CYTH3: variants seen among roughly 807,000 people sequenced by gnomAD.
The protein encoded by CYTH3 is cytohesin 3.
In CYTH3, 23 loss-of-function variants were observed where a neutral mutation model predicts 55.1. That is an observed-to-expected ratio of 0.42 (90% CI 0.30 to 0.59). CYTH3 has a LOEUF of 0.59. Among genes scored for constraint, CYTH3 ranks in the 20% least tolerant of loss-of-function variants. The pLI is 0.20. For missense variants in CYTH3, 413 were observed against 524.8 expected (o/e 0.79, Z 2.08); for synonymous variants, 249 against 194.9 (o/e 1.28, Z -2.31).
intron 3 of CYTH3, 76 bp from the exon 4 acceptor site, chr7:6,187,192 T>C (rs1783676667): frequency 2.7e-6 from 4 of 1,476,094 alleles, no homozygotes; most frequent in East Asian, 2.3e-5. Flanking sequence ...TCCAGTGTAC[T>C]TTCCCCCGCA....
chr7:6,239,017 C>A (rs1215036031), intron 1 of CYTH3, among the ~76,000 whole-genome samples: 1 of 152,156 alleles, frequency 6.6e-6, no homozygotes, highest in East Asian at 1.9e-4. Context: ...AGCTCAAGAC[C>A]AGCCTGGCCA....
chr7:6,256,615 T>C (rs1377429655), intron 1 of CYTH3, among the ~76,000 whole-genome samples: 2 of 152,130 alleles, frequency 1.3e-5, no homozygotes, highest in Non-Finnish European at 2.9e-5. Flanking sequence ...TGGGGAGCGG[T>C]GGAAGCAGTG....
At chr7:6,249,841 G>T (rs946470523) in intron 1 of CYTH3, among the ~76,000 whole-genome samples, 2 of 152,128 alleles carry the variant, frequency 1.3e-5, no homozygotes, top group African/African-American at 2.4e-5. Flanking sequence ...CATACCTCTC[G>T]CCTCACATAG....
chr7:6,182,910 G>A (rs572256409), intron 4 of CYTH3, among the ~76,000 whole-genome samples: 2 of 152,346 alleles, frequency 1.3e-5, no homozygotes, highest in South Asian at 2.1e-4. Context: ...GCTTGGTGGT[G>A]CTTGGTGGGT....
chr7:6,233,655 C>CAA (rs557639314), intron 1 of CYTH3, among the ~76,000 whole-genome samples: 18 of 79,596 alleles, frequency 2.3e-4, no homozygotes, highest in South Asian at 8.9e-4. Context: ...GACTCCATCT[C>CAA]AAAAAAAAAA....
chr7:6,180,259 T>G (rs1038881533), intron 4 of CYTH3, among the ~76,000 whole-genome samples: 4 of 152,220 alleles, frequency 2.6e-5, no homozygotes, highest in Admixed American at 6.5e-5. Flanking sequence ...GAGGCTCCCA[T>G]GCCTTCCTCT....
chr7:6,210,843 G>A (rs111473507), intron 1 of CYTH3, among the ~76,000 whole-genome samples: 2,220 of 152,278 alleles, frequency 0.015, 24 homozygotes, highest in Admixed American at 0.052. Context: ...TGCCTTCACT[G>A]ATAAGAGTTG....
At chr7:6,173,276 T>A (rs1214145013) in intron 6 of CYTH3, among the ~76,000 whole-genome samples, 1 of 152,164 alleles carries the variant, frequency 6.6e-6, no homozygotes, top group Admixed American at 6.6e-5. Context: ...CACTCAGGTA[T>A]CCATGCGTTT....
Position 6,171,125 on chromosome 7 carries a change from T to A in CYTH3, c.562+77A>T. 1 of 1,586,016 alleles carries A rather than the reference T, an allele frequency of 6.3e-7. No homozygotes were observed. On this transcript the variant is annotated intron_variant, in intron 7 of 12. Transcript: ENST00000350796. The surrounding 1 kb of genome is among the most constrained non-coding windows in gnomAD (Gnocchi z 6.7). The stretch of plus-strand genomic sequence containing the variant: ...AGGTCCCCAGGAACACACGCTGGGC[T>A]GTGCCCACAGGGGCCGCCCCCTCCA...
At chr7:6,185,523 C>T (rs181724077) in intron 4 of CYTH3, among the ~76,000 whole-genome samples, 155 of 151,946 alleles carry the variant, frequency 1.0e-3, no homozygotes, top group African/African-American at 3.2e-3. Flanking sequence ...AGTGAAACCC[C>T]GTCTCTACTA....
chr7:6,165,776 G>A lies in CYTH3; in HGVS notation c.858C>T (p.Phe286=), dbSNP rs1782981793. 4 of 1,614,030 alleles carry A rather than the reference G, an allele frequency of 2.5e-6. No homozygotes were observed. The highest frequency in any genetic ancestry group is 1.7e-5 in the Admixed American group (1 of 60,004). The change falls in exon 10 of 13, where the codon TTC becomes TTT. Residue 286 remains phenylalanine (F), a synonymous_variant. Coordinates refer to ENST00000350796, the MANE Select transcript of CYTH3 (RefSeq NM_004227.4). ...GRVKTWKRRW[F]ILTDNCLYYF... ...AATAGAGGCAGTTATCGGTCAGGATGAACCACCGGCGCTTCCAGGTCTTCA... is the reference window on the plus strand; with the variant it reads ...AATAGAGGCAGTTATCGGTCAGGATAAACCACCGGCGCTTCCAGGTCTTCA...
chr7:6,185,226 A>G (rs1783605216), intron 4 of CYTH3, among the ~76,000 whole-genome samples: 1 of 152,258 alleles, frequency 6.6e-6, no homozygotes, highest in Non-Finnish European at 1.5e-5. Flanking sequence ...AAGTTTTCAC[A>G]GTGGCTAGAG....
At chr7:6,172,841 C>T (rs1783238925) in intron 6 of CYTH3, 1 of 1,279,462 alleles carries the variant, frequency 7.8e-7, no homozygotes, top group Non-Finnish European at 1.0e-6. Flanking sequence ...ACTGTTCAGC[C>T]CCAGGCTGCG....
Position 6,170,545 on chromosome 7 carries a change from G to A in CYTH3, c.813C>T (p.Leu271=). 1.2e-6 allele frequency: 2 copies of A among 1,613,908 alleles called. No homozygotes were observed. Among genetic ancestry groups the A allele is most frequent in the Non-Finnish European group, 1.7e-6 (2 of 1,179,842 alleles). ...TFFNPDREGW[L]LKLGGRVKTW... ...GGGCCGGCGGCTCACCCAGCTTCAG[G>A]AGCCAGCCCTCGCGGTCGGGGTTGA... The change falls in exon 9 of 13, where the codon CTC becomes CTT. Residue 271 remains leucine (L), a synonymous_variant. Transcript: ENST00000350796. This position sits in a 1 kb window ranked among gnomAD's most constrained non-coding sequence, Gnocchi z 7.8.
intron 1 of CYTH3, among the ~76,000 whole-genome samples, chr7:6,247,826 G>GT (rs1244614721): frequency 6.6e-6 from 1 of 151,708 alleles, no homozygotes; most frequent in Non-Finnish European, 1.5e-5. Context: ...AATTTTTCTT[G>GT]TTTTTTGTAG....
chr7:6,176,549 C>G (rs2128539852), intron 5 of CYTH3, among the ~76,000 whole-genome samples: 1 of 152,300 alleles, frequency 6.6e-6, no homozygotes, highest in East Asian at 1.9e-4. Context: ...GCATGAGGCA[C>G]CACGCCTGGC....
intron 1 of CYTH3, among the ~76,000 whole-genome samples, chr7:6,242,070 G>A (rs1383622152): frequency 6.6e-6 from 1 of 151,882 alleles, no homozygotes; most frequent in Non-Finnish European, 1.5e-5. Context: ...ACAGGGCAGA[G>A]GGGTTTTTTC....
chr7:6,241,559 T>C (rs1191564933), intron 1 of CYTH3, among the ~76,000 whole-genome samples: 1 of 152,124 alleles, frequency 6.6e-6, no homozygotes, highest in South Asian at 2.1e-4. Context: ...ATCCCACTTC[T>C]GAAAATTTCT....
chr7:6,177,956 A>T lies in CYTH3; in HGVS notation c.250-15T>A, dbSNP rs1783391036. 6.3e-7 allele frequency: 1 copy of T among 1,588,486 alleles called. No homozygotes were observed. Among genetic ancestry groups the T allele is most frequent in the Non-Finnish European group, 8.6e-7 (1 of 1,156,732 alleles). The stretch of plus-strand genomic sequence containing the variant: ...AACTGAATTCCCTGAAGAACATTAA[A>T]ATGGAAGCACTGGTTAGGAGTGTCA... On this transcript the variant is annotated splice_polypyrimidine_tract_variant and intron_variant, in intron 4 of 12. Transcript: ENST00000350796.
Sources: gnomAD v4.1 joint callset for allele counts (sites outside exome capture counted in the v4.1 genomes callset) on GRCh38, gnomAD v4.1.1 for gene constraint, Gnocchi (gnomAD v3.1) non-coding constraint, MANE v1.5 for transcripts, NCBI Gene and HGNC (gene_info 2026-07-23, HGNC 2026-07-21) for gene names.